TMEM87A: variants seen among roughly 807,000 people sequenced by gnomAD.
The protein encoded by TMEM87A is Golgi-pH regulating cation channel.
In TMEM87A, 50 loss-of-function variants were observed where a neutral mutation model predicts 90.0. The ratio of observed to expected loss-of-function variants is 0.56; its 90% CI spans 0.44 to 0.70. The LOEUF (loss-of-function observed/expected upper bound fraction) is 0.70. TMEM87A is among the 30% of genes least tolerant of loss of function. TMEM87A has a pLI of 0.00. For missense variants in TMEM87A, 577 were observed against 660.5 expected (o/e 0.87, Z 1.39); for synonymous variants, 226 against 226.7 (o/e 1.00, Z 0.03).
intron 6 of TMEM87A, among the ~76,000 whole-genome samples, chr15:42,246,397 T>G (rs1397284922): frequency 2.6e-5 from 4 of 152,178 alleles, no homozygotes; most frequent in Non-Finnish European, 5.9e-5. Context: ...TTGCACCCAT[T>G]AACTCGTCAT....
Position 42,218,340 on chromosome 15 carries a change from A to T in TMEM87A, c.1578T>A (p.Pro526=). ...AAACTTACACATCTGTCACAGAAGA[A>T]GGAACATTCTCTTCTACCCACTTCA... The part of the protein sequence containing the change: ...DDLKWVEENV[P]SSVTDVALPA... The change falls in exon 18 of 20, where the codon CCT becomes CCA. Residue 526 remains proline (P), a synonymous_variant. Transcript: ENST00000389834. The T allele has an allele frequency of 2.5e-6, 4 of 1,613,854 alleles. No homozygotes were observed. The highest frequency in any genetic ancestry group is 3.4e-6 in the Non-Finnish European group (4 of 1,179,834).
Position 42,211,478 on chromosome 15 carries a change from A to G in TMEM87A, c.*230T>C, listed in dbSNP as rs1252130773. On this transcript the variant is annotated 3_prime_UTR_variant, in exon 20 of 20. Coordinates refer to ENST00000389834, the MANE Select transcript of TMEM87A (RefSeq NM_015497.5). ...GTCAGAGTCTGGGAGGAAAGGGGGC[A>G]GCAGTGTTGTAAATAAGAAGCTCGT... 4.4e-6 allele frequency: 2 copies of G among 452,796 alleles called. No individual in the cohort carries two copies. Among genetic ancestry groups the G allele is most frequent in the Non-Finnish European group, 7.9e-6 (2 of 253,602 alleles). 28.0% of individuals were successfully genotyped at this position (452,796 alleles called of 1,614,324 possible). A position where few individuals can be genotyped will look rare whatever the true frequency, so the allele number is the denominator to read the frequency against.
chr15:42,273,208 C>T (rs1303072560), intron 1 of TMEM87A, 47 bp downstream of exon 1: 5 of 1,608,908 alleles, frequency 3.1e-6, no homozygotes, highest in Admixed American at 3.3e-5. Flanking sequence ...GCCGTAGCCC[C>T]ACCCCTTGCT....
chr15:42,244,658 A>G (rs1275444900), intron 6 of TMEM87A, among the ~76,000 whole-genome samples: 1 of 150,044 alleles, frequency 6.7e-6, no homozygotes, highest in Non-Finnish European at 1.5e-5. Flanking sequence ...TCTCACATTT[A>G]TATCAAAAAT....
chr15:42,236,528 A>T (rs1455757722), intron 9 of TMEM87A, 109 bp from the exon 10 acceptor site: 2 of 872,624 alleles, frequency 2.3e-6, no homozygotes, highest in East Asian at 5.1e-5. Context: ...CATTGATATT[A>T]GTCCTGCTAA....
chr15:42,253,595 T>C (rs774309114), intron 6 of TMEM87A, among the ~76,000 whole-genome samples: 3 of 152,188 alleles, frequency 2.0e-5, no homozygotes, highest in Non-Finnish European at 2.9e-5. Context: ...AGGTCTGTAT[T>C]AGTTCCCCTG....
intron 7 of TMEM87A, among the ~76,000 whole-genome samples, chr15:42,241,188 C>T (rs2050859581): frequency 6.6e-6 from 1 of 152,214 alleles, no homozygotes; most frequent in South Asian, 2.1e-4. Context: ...TATTATTTGA[C>T]AGGCCTATGG....
intron 3 of TMEM87A, among the ~76,000 whole-genome samples, chr15:42,264,683 G>GTATATATATATA (rs1555409716): frequency 8.6e-6 from 1 of 116,366 alleles, no homozygotes; most frequent in African/African-American, 3.0e-5. Flanking sequence ...ATATGTGTGT[G>GTATATATATATA]TATATATATA....
chr15:42,228,652 T>G (rs2050637195), intron 13 of TMEM87A, 60 bp downstream of exon 13: 2 of 1,451,168 alleles, frequency 1.4e-6, no homozygotes, highest in African/African-American at 1.4e-5. Flanking sequence ...CCTTTCAGGT[T>G]AAGAATGTCC....
chr15:42,217,557 A>C (rs1178282170), intron 19 of TMEM87A, among the ~76,000 whole-genome samples: 3 of 152,230 alleles, frequency 2.0e-5, no homozygotes, highest in African/African-American at 4.8e-5. Flanking sequence ...AATTTAAACA[A>C]AAACATTCTG....
At chr15:42,230,863 C>T (rs1034764922) in intron 12 of TMEM87A, among the ~76,000 whole-genome samples, 2 of 152,142 alleles carry the variant, frequency 1.3e-5, no homozygotes, top group Admixed American at 1.3e-4. Context: ...ACCAGCACAG[C>T]CAGTGACTCT....
chr15:42,220,226 T>G, intron 15 of TMEM87A, 91 bp from the exon 16 acceptor site: 1 of 875,420 alleles, frequency 1.1e-6, no homozygotes, highest in Non-Finnish European at 1.8e-6. Flanking sequence ...TTATTGAAAC[T>G]GCAATTATAG....
At chr15:42,231,560 A>G (rs376843217) in intron 11 of TMEM87A, among the ~76,000 whole-genome samples, 7 of 152,170 alleles carry the variant, frequency 4.6e-5, no homozygotes, top group African/African-American at 1.7e-4. Context: ...AAAAAGTTCT[A>G]ATGTTTATAA....
At chr15:42,258,066 C>G (rs1249502811) in intron 6 of TMEM87A, 17 of 974,844 alleles carry the variant, frequency 1.7e-5, no homozygotes, top group Non-Finnish European at 1.7e-5. Flanking sequence ...AATCACAACA[C>G]TGCATAAAAT....
intron 7 of TMEM87A, among the ~76,000 whole-genome samples, chr15:42,242,327 G>A (rs942219045): frequency 2.6e-5 from 4 of 152,096 alleles, no homozygotes; most frequent in African/African-American, 9.7e-5. Flanking sequence ...AGGTTTCAAA[G>A]AAAAAGAAGA....
intron 10 of TMEM87A, among the ~76,000 whole-genome samples, chr15:42,235,990 T>C (rs1328564753): frequency 6.6e-6 from 1 of 150,384 alleles, no homozygotes; most frequent in African/African-American, 2.5e-5. Context: ...CAAGAATGCG[T>C]TTCCCATAAA....
intron 10 of TMEM87A, among the ~76,000 whole-genome samples, chr15:42,236,112 T>TTTGGAC (rs2050765237): frequency 6.6e-6 from 1 of 151,930 alleles, no homozygotes; most frequent in South Asian, 2.1e-4. Context: ...ATGGAATATA[T>TTTGGAC]TTGGAAGTAT....
intron 6 of TMEM87A, among the ~76,000 whole-genome samples, chr15:42,246,826 G>A (rs1009630402): frequency 6.6e-6 from 1 of 152,122 alleles, no homozygotes; most frequent in African/African-American, 2.4e-5. Flanking sequence ...GGATGGCTGG[G>A]TCAACTGGTA....
intron 6 of TMEM87A, among the ~76,000 whole-genome samples, chr15:42,248,206 T>C (rs950874237): frequency 5.9e-5 from 9 of 152,104 alleles, no homozygotes; most frequent in Admixed American, 6.5e-5. Context: ...GTTTTCTAAA[T>C]ATACAATCAT....
Sources: allele counts gnomAD v4.1 joint callset (sites outside exome capture counted in the v4.1 genomes callset), GRCh38; gene constraint gnomAD v4.1.1; transcripts MANE v1.5; gene names NCBI Gene and HGNC (gene_info 2026-07-23, HGNC 2026-07-21).